Variants in AGAP1 observed in about 807,000 individuals in gnomAD.
AGAP1 encodes the protein ArfGAP with GTPase domain, ankyrin repeat and PH domain 1.
Under a neutral mutation model 105.3 loss-of-function variants are expected in AGAP1, and 29 were observed. That is an observed-to-expected ratio of 0.28 (90% CI 0.21 to 0.38). The LOEUF (loss-of-function observed/expected upper bound fraction) is 0.38. Among genes scored for constraint, AGAP1 ranks in the 10% least tolerant of loss-of-function variants. AGAP1 has a pLI of 1.00. For missense variants in AGAP1, 998 were observed against 1,165.1 expected, an observed-to-expected ratio of 0.86 and a Z score of 2.09; for synonymous variants, 509 against 485.9, an observed-to-expected ratio of 1.05 and a Z score of -0.63.
At chr2:235,717,074 C>G (rs766260055) in intron 2 of AGAP1, among the ~76,000 whole-genome samples, 4 of 152,158 alleles carry the variant, frequency 2.6e-5, no homozygotes, top group Non-Finnish European at 5.9e-5. Context: ...CCACACTGCC[C>G]TTTTCTGCTC....
chr2:236,034,112 A>C (rs901993604), intron 13 of AGAP1, among the ~76,000 whole-genome samples: 1 of 152,166 alleles, frequency 6.6e-6, no homozygotes, highest in Admixed American at 6.5e-5. Context: ...TGCATAAAAT[A>C]CATGAATTGG....
intron 1 of AGAP1, among the ~76,000 whole-genome samples, chr2:235,593,374 A>G (rs1945414955): frequency 6.6e-6 from 1 of 152,146 alleles, no homozygotes; most frequent in Non-Finnish European, 1.5e-5. Context: ...CTTAAAATTT[A>G]TTTCAGAATG....
At chr2:235,894,080 G>A (rs769536084) in intron 10 of AGAP1, among the ~76,000 whole-genome samples, 6 of 152,328 alleles carry the variant, frequency 3.9e-5, no homozygotes, top group Admixed American at 3.3e-4. Context: ...AGGCATATGA[G>A]GAGATTGTAC....
chr2:235,511,023 A>AGCATTGTAGCCCCCAAGAGG (rs1942083852), intron 1 of AGAP1, among the ~76,000 whole-genome samples: 1 of 152,056 alleles, frequency 6.6e-6, no homozygotes, highest in African/African-American at 2.4e-5. Flanking sequence ...ATGGCGTGCA[A>AGCATTGTAGCCCCCAAGAGG]GCATTGTAGC....
intron 1 of AGAP1, chr2:235,670,949 T>A: frequency 7.6e-7 from 1 of 1,318,304 alleles, no homozygotes; most frequent in African/African-American, 1.5e-5. Flanking sequence ...CGGCGGGCCC[T>A]CGCCACGGAG....
At chr2:235,890,940 C>A (rs2050509337) in intron 10 of AGAP1, among the ~76,000 whole-genome samples, 1 of 56,856 alleles carries the variant, frequency 1.8e-5, no homozygotes. Context: ...AAAACTGAGG[C>A]TCAAAAAAAA....
chr2:236,060,184 T>C (rs897149189), intron 16 of AGAP1, among the ~76,000 whole-genome samples: 2 of 152,172 alleles, frequency 1.3e-5, no homozygotes, highest in African/African-American at 2.4e-5. Flanking sequence ...AAATACGGGG[T>C]AAATCTTTGT....
At position 235,663,701 on chromosome 2, in the gene AGAP1, C is replaced by A. The variant is rs1196194453; in HGVS notation, c.164-45478C>A. On this transcript the variant is annotated intron_variant, in intron 1 of 17. Coordinates refer to ENST00000304032, the MANE Select transcript of AGAP1 (RefSeq NM_001037131.3). This position sits in a 1 kb window ranked among gnomAD's most constrained non-coding sequence, Gnocchi z 5.4. ...CAGATGTTGTCAAACATATTTAGGT[C>A]ATTGTTCTCTGACAGTTCGTGATAT... Among the ~76,000 whole-genome samples the A allele has an allele frequency of 2.0e-5, 3 of 152,170 alleles. No individual in the cohort carries two copies. The highest frequency in any genetic ancestry group is 7.2e-5 in the African/African-American group (3 of 41,448).
chr2:236,028,741 A>G (rs541383916), intron 13 of AGAP1, among the ~76,000 whole-genome samples: 13 of 152,282 alleles, frequency 8.5e-5, no homozygotes, highest in South Asian at 4.2e-4. Context: ...AGGGATGGAA[A>G]AAAGCAGTTA....
chr2:235,724,655 TC>T lies in AGAP1; in HGVS notation c.310+7013del, dbSNP rs1951561135. The stretch of plus-strand genomic sequence containing the variant: ...AAGGGAGACTGAAGAAACCTGAACA[TC>T]CAGTGCTCATGAGGAAAAGCTTTAA... On this transcript the variant is annotated intron_variant, in intron 3 of 17. Coordinates refer to ENST00000304032, the MANE Select transcript of AGAP1 (RefSeq NM_001037131.3). The surrounding 1 kb of genome is among the most constrained non-coding windows in gnomAD (Gnocchi z 4.9). Among the ~76,000 whole-genome samples, 1 of 151,960 alleles carries T rather than the reference TC, an allele frequency of 6.6e-6. No homozygotes were observed. Among genetic ancestry groups the T allele is most frequent in the African/African-American group, 2.4e-5 (1 of 41,356 alleles).
chr2:235,908,971 A>T lies in AGAP1; in HGVS notation c.1324+65A>T. 3 of 1,514,648 alleles carry T rather than the reference A, an allele frequency of 2.0e-6. No homozygotes were observed. The highest frequency in any genetic ancestry group is 9.1e-7 in the Non-Finnish European group (1 of 1,104,956). The allele number at this position is 1,514,648 out of a possible 1,614,324, so 93.8% of individuals were successfully genotyped here. On this transcript the variant is annotated intron_variant, in intron 11 of 17. Transcript: ENST00000304032. This position sits in a 1 kb window ranked among gnomAD's most constrained non-coding sequence, Gnocchi z 4.4. ...AGCAACAGGTGGTCCAGGCTCGAGGATAATGTTGGACTCCTAGGTTAAGTG... is the reference window on the plus strand; with the variant it reads ...AGCAACAGGTGGTCCAGGCTCGAGGTTAATGTTGGACTCCTAGGTTAAGTG...
chr2:235,910,866 G>T (rs1019987014), intron 11 of AGAP1, among the ~76,000 whole-genome samples: 1 of 151,036 alleles, frequency 6.6e-6, no homozygotes, highest in African/African-American at 2.4e-5. Context: ...AGTGAGCCGA[G>T]ATCGCACCAC....
intron 1 of AGAP1, among the ~76,000 whole-genome samples, chr2:235,594,449 GCTTT>G (rs1011017284): frequency 2.4e-4 from 36 of 151,854 alleles, no homozygotes; most frequent in African/African-American, 7.7e-4. Context: ...TTTCCTTTTG[GCTTT>G]CTTTCTTCTG....
intron 1 of AGAP1, among the ~76,000 whole-genome samples, chr2:235,636,037 C>T (rs1417718621): frequency 1.3e-5 from 2 of 151,786 alleles, no homozygotes; most frequent in Admixed American, 6.6e-5. Flanking sequence ...AGCTTGAACC[C>T]GGAAGGTGGA....
At chr2:235,912,680 T>C (rs2051675603) in intron 11 of AGAP1, among the ~76,000 whole-genome samples, 1 of 152,248 alleles carries the variant, frequency 6.6e-6, no homozygotes, top group South Asian at 2.1e-4. Context: ...TCGGTTGGTA[T>C]AACCATTTAC....
At chr2:235,922,047 C>T (rs1035374495) in intron 11 of AGAP1, among the ~76,000 whole-genome samples, 1 of 152,214 alleles carries the variant, frequency 6.6e-6, no homozygotes, top group African/African-American at 2.4e-5. Flanking sequence ...TTAACGTCGC[C>T]TCCTTCATCC....
rs978247773 is a variant in AGAP1 at position 235,551,601 on chromosome 2, A to T, written c.163+56752A>T. ...GGCATCAACTACCATTGCCAGCCTG[A>T]GCTGCATGCATTCTAAGGACACTTT... On this transcript the variant is annotated intron_variant, in intron 1 of 17. Coordinates refer to ENST00000304032, the MANE Select transcript of AGAP1 (RefSeq NM_001037131.3). This position sits in a 1 kb window ranked among gnomAD's most constrained non-coding sequence, Gnocchi z 4.8. Among the ~76,000 whole-genome samples the T allele has an allele frequency of 2.0e-5, 3 of 152,342 alleles. No homozygotes were observed. The highest frequency in any genetic ancestry group is 1.3e-4 in the Admixed American group (2 of 15,304).
At chr2:235,997,022 A>G (rs1292953910) in intron 13 of AGAP1, among the ~76,000 whole-genome samples, 1 of 152,242 alleles carries the variant, frequency 6.6e-6, no homozygotes, top group African/African-American at 2.4e-5. Context: ...GGCTTTACCC[A>G]TAATGAAGAC....
chr2:235,710,263 T>C (rs907721009), intron 2 of AGAP1, among the ~76,000 whole-genome samples: 4 of 152,234 alleles, frequency 2.6e-5, no homozygotes, highest in African/African-American at 9.6e-5. Flanking sequence ...GTCCTTCATG[T>C]CTGAGATGAG....
Sources: gnomAD v4.1 joint callset for allele counts (sites outside exome capture counted in the v4.1 genomes callset) on GRCh38, gnomAD v4.1.1 for gene constraint, Gnocchi (gnomAD v3.1) non-coding constraint, MANE v1.5 for transcripts, NCBI Gene and HGNC (gene_info 2026-07-23, HGNC 2026-07-21) for gene names.